The following PDE10A variants were observed in gnomAD, a reference collection of about 807,000 sequenced individuals.
The protein encoded by PDE10A is phosphodiesterase 10A.
A neutral mutation model predicts 97.7 loss-of-function variants in PDE10A; 39 were observed. That is an observed-to-expected ratio of 0.40 (90% CI 0.31 to 0.52). The LOEUF is 0.52. Ranked by LOEUF, PDE10A falls within the 20% of genes least tolerant of loss-of-function variation. The pLI is 0.56. For synonymous variants in PDE10A, 371 were observed against 376.8 expected, an observed-to-expected ratio of 0.98 and a Z score of 0.18; for missense variants, 731 against 1,047.8, an observed-to-expected ratio of 0.70 and a Z score of 4.17.
At chr6:165,420,444 C>T (rs1788612656) in intron 10 of PDE10A, among the ~76,000 whole-genome samples, 1 of 152,124 alleles carries the variant, frequency 6.6e-6, no homozygotes, top group Non-Finnish European at 1.5e-5. Context: ...CATAAAGGCA[C>T]AGCGAGAGTG....
intron 21 of PDE10A, among the ~76,000 whole-genome samples, chr6:165,335,784 C>T (rs895880436): frequency 7.2e-5 from 11 of 152,146 alleles, no homozygotes; most frequent in Admixed American, 1.3e-4. Flanking sequence ...TCTCCCACAC[C>T]GAGACAGAGG....
intron 1 of PDE10A, among the ~76,000 whole-genome samples, chr6:165,920,792 C>A (rs546577979): frequency 4.3e-4 from 65 of 152,246 alleles, no homozygotes; most frequent in African/African-American, 1.5e-3. Flanking sequence ...GAATAACACA[C>A]TAGACCATAT....
At chr6:165,564,978 A>G (rs1562585459) in intron 1 of PDE10A, among the ~76,000 whole-genome samples, 1 of 152,200 alleles carries the variant, frequency 6.6e-6, no homozygotes, top group Non-Finnish European at 1.5e-5. Context: ...TAACTCAACT[A>G]TATGTTGTCT....
intron 2 of PDE10A, among the ~76,000 whole-genome samples, chr6:165,504,199 T>A (rs1003695305): frequency 6.6e-6 from 1 of 152,144 alleles, no homozygotes; most frequent in Non-Finnish European, 1.5e-5. Flanking sequence ...TAGAATATTA[T>A]TTTGGAAAAT....
chr6:165,643,607 T>C (rs956855964), intron 1 of PDE10A, among the ~76,000 whole-genome samples: 6 of 151,984 alleles, frequency 3.9e-5, no homozygotes, highest in Admixed American at 3.3e-4. Context: ...GAAAGACAAA[T>C]ACTGAATGAC....
Position 165,379,074 on chromosome 6 carries a change from A to G in PDE10A, c.2783+120T>C, listed in dbSNP as rs1027109832. On this transcript the variant is annotated intron_variant, in intron 18 of 21. Transcript: ENST00000539869. The stretch of plus-strand genomic sequence containing the variant: ...ACAAGATGTACATAAAGTGAAAAAC[A>G]TGTAAATTTTTTACATTCCTTCTTT... 2.7e-5 allele frequency: 18 copies of G among 670,408 alleles called. No homozygotes were observed. In the East Asian group the frequency reaches 4.3e-4, roughly 16 times the overall value. The allele number at this position is 670,408 out of a possible 1,614,324, so 41.5% of individuals were successfully genotyped here.
rs116645252 is a variant in PDE10A, at chr6:165,868,401, G to A, written c.-615+119128C>T. Among the ~76,000 whole-genome samples, 764 of 152,040 alleles carry A rather than the reference G, an allele frequency of 5.0e-3. 2 individuals are homozygous for A. The highest frequency in any genetic ancestry group is 0.018 in the African/African-American group (738 of 41,518). ...TGAACAACTATTTGATATCTAATTC[G>A]AAAACCTAGAGGAAATGGATAAATT... On this transcript the variant is annotated intron_variant, in intron 1 of 19. Transcript: ENST00000366882.
intron 1 of PDE10A, among the ~76,000 whole-genome samples, chr6:165,747,810 G>A (rs1340770019): frequency 1.3e-5 from 2 of 152,186 alleles, no homozygotes; most frequent in Non-Finnish European, 2.9e-5. Flanking sequence ...GGAAGGAGGA[G>A]GGGGTTTGAT....
chr6:165,974,025 A>T (rs1441197540), intron 1 of PDE10A, among the ~76,000 whole-genome samples: 1 of 152,244 alleles, frequency 6.6e-6, no homozygotes, highest in Non-Finnish European at 1.5e-5. Context: ...TTAAATTATT[A>T]AATTCACGTT....
At chr6:165,630,301 T>C (rs563666400) in intron 1 of PDE10A, among the ~76,000 whole-genome samples, 2 of 152,224 alleles carry the variant, frequency 1.3e-5, no homozygotes, top group South Asian at 2.1e-4. Flanking sequence ...TAAGCCAAGA[T>C]TGCACCACTG....
chr6:165,399,697 T>C (rs1173805582), intron 13 of PDE10A, among the ~76,000 whole-genome samples: 2 of 152,096 alleles, frequency 1.3e-5, no homozygotes, highest in Non-Finnish European at 1.5e-5. Context: ...GTCCTTGCGA[T>C]AGTTTGCGGA....
intron 1 of PDE10A, among the ~76,000 whole-genome samples, chr6:165,982,886 C>G (rs1045200112): frequency 4.6e-5 from 7 of 152,114 alleles, no homozygotes; most frequent in African/African-American, 1.7e-4. Context: ...CAAAACAAAA[C>G]AAAACAAAAA....
chr6:165,911,762 AC>A (rs1011394537), intron 1 of PDE10A, among the ~76,000 whole-genome samples: 38 of 152,214 alleles, frequency 2.5e-4, no homozygotes, highest in African/African-American at 8.9e-4. Context: ...TTCCAGGCCT[AC>A]CCCCAAGAGG....
chr6:165,365,555 CA>C, intron 18 of PDE10A, among the ~76,000 whole-genome samples: 1 of 152,050 alleles, frequency 6.6e-6, no homozygotes, highest in African/African-American at 2.4e-5. Flanking sequence ...CAAATAATGA[CA>C]AAAAATGTAG....
rs145563836 is a variant in PDE10A at position 165,787,197 on chromosome 6, C to T, written c.-615+200332G>A. Among the ~76,000 whole-genome samples the T allele has an allele frequency of 2.0e-5, 3 of 152,074 alleles. No individual in the cohort carries two copies. In the East Asian group the frequency reaches 5.8e-4, roughly 29 times the overall value. ...ATAGGTTAAAATGATCATTAAGTTACTGATAAACAGCCATTAAAAAAACCC... is the reference window on the plus strand; with the variant it reads ...ATAGGTTAAAATGATCATTAAGTTATTGATAAACAGCCATTAAAAAAACCC... On this transcript the variant is annotated intron_variant, in intron 1 of 19. Transcript: ENST00000366882.
chr6:165,916,020 G>C (rs1339901097), intron 1 of PDE10A, among the ~76,000 whole-genome samples: 1 of 152,230 alleles, frequency 6.6e-6, no homozygotes, highest in Non-Finnish European at 1.5e-5. Flanking sequence ...CATTAGGTCT[G>C]GATGCTGCAC....
intron 1 of PDE10A, among the ~76,000 whole-genome samples, chr6:165,827,674 A>G (rs1779800206): frequency 6.6e-6 from 1 of 152,160 alleles, no homozygotes; most frequent in African/African-American, 2.4e-5. Context: ...TTTTATTGCA[A>G]TAGGTTTTTG....
At chr6:165,590,060 C>G (rs1786155870) in intron 1 of PDE10A, among the ~76,000 whole-genome samples, 1 of 152,168 alleles carries the variant, frequency 6.6e-6, no homozygotes, top group South Asian at 2.1e-4. Flanking sequence ...CTGAATGTCA[C>G]TTGAAAAATT....
chr6:165,395,372 A>G (rs544409576), intron 14 of PDE10A, 108 bp from the exon 15 acceptor site: 1 of 685,534 alleles, frequency 1.5e-6, no homozygotes, highest in Admixed American at 2.6e-5. Context: ...AGACACTGGG[A>G]GCTCAGCCAT....
Sources: allele counts gnomAD v4.1 joint callset (sites outside exome capture counted in the v4.1 genomes callset), GRCh38; gene constraint gnomAD v4.1.1; transcripts MANE v1.5; gene names NCBI Gene and HGNC (gene_info 2026-07-23, HGNC 2026-07-21).